Variants in FANCG observed in about 807,000 individuals in gnomAD.
The protein encoded by FANCG is Fanconi anemia group G protein.
In FANCG, 67 loss-of-function variants were observed where a neutral mutation model predicts 73.3. The ratio of observed to expected loss-of-function variants is 0.91; its 90% CI spans 0.75 to 1.12. FANCG has a LOEUF of 1.12. Among genes scored for constraint, FANCG ranks in the 50% most tolerant of loss-of-function variants. The probability of loss-of-function intolerance (pLI) is 0.00; values close to 1 mark genes in which losing one functional copy is unlikely to be tolerated. For missense variants in FANCG, 643 were observed against 735.6 expected, an observed-to-expected ratio of 0.87 and a Z score of 1.46; for synonymous variants, 297 against 311.6, an observed-to-expected ratio of 0.95 and a Z score of 0.49.
At chr9:35,076,289 A>G (rs1829081474) in intron 8 of FANCG, 143 bp downstream of exon 8, 2 of 969,210 alleles carry the variant, frequency 2.1e-6, no homozygotes, top group South Asian at 2.7e-5. Flanking sequence ...GTCTAGAAGC[A>G]AGGTAAGAGG....
chr9:35,076,302 G>A, intron 8 of FANCG, 130 bp downstream of exon 8: 2 of 1,088,170 alleles, frequency 1.8e-6, no homozygotes, highest in South Asian at 2.5e-5. Context: ...GTAAGAGGCT[G>A]AGGAGTGGCG....
rs1829151711 is a variant in FANCG at position 35,079,893 on chromosome 9, C to T, written c.-369G>A. 2.4e-6 allele frequency: 1 copy of T among 408,846 alleles called. No homozygotes were observed. 25.3% of individuals were successfully genotyped at this position (408,846 alleles called of 1,614,324 possible). On this transcript the variant is annotated 5_prime_UTR_variant, in exon 1 of 14. Transcript: ENST00000378643. ...TGTCTGACTGGGGCAGTCGCACGGC[C>T]GGCGGTGCGGCCCGCTCGGCTCTCG... is the stretch of plus-strand genomic sequence containing the variant.
At chr9:35,078,802 C>G in intron 2 of FANCG, 66 bp from the exon 3 acceptor site, 2 of 1,603,270 alleles carry the variant, frequency 1.2e-6, no homozygotes, top group Admixed American at 3.3e-5. Context: ...AAAATCCCAA[C>G]TCAGAGATCA....
intron 5 of FANCG, 26 bp downstream of exon 5, chr9:35,077,238 A>G (rs532480338): frequency 1.2e-6 from 2 of 1,614,228 alleles, no homozygotes; most frequent in African/African-American, 2.7e-5. Context: ...TAAAGGTAGA[A>G]GAGATGAGTC....
In FANCG at chr9:35,076,801, G is replaced by A. The variant is rs976115806; in HGVS notation, c.847C>T (p.Leu283Phe). 1.9e-6 allele frequency: 3 copies of A among 1,614,164 alleles called. No individual in the cohort carries two copies. The highest frequency in any genetic ancestry group is 3.3e-5 in the Admixed American group (2 of 60,028). ...TGATAGAGCCTAGAGGCCTCCAGAA[G>A]TGGAGGACCCCAGGCTGATCCCTCT... ...LKEGSAWGPP[L>F]LEASRLYQQL... The change falls in exon 7 of 14, where the codon CTT becomes TTT. Residue 283 changes from leucine (L) to phenylalanine (F), a missense_variant. Leu to Phe is a conservative substitution (Grantham distance 22). Transcript: ENST00000378643.
intron 8 of FANCG, 179 bp from the exon 9 acceptor site, chr9:35,076,207 G>C: frequency 1.3e-6 from 1 of 799,176 alleles, no homozygotes; most frequent in Middle Eastern, 3.2e-4. Flanking sequence ...GTTACAGAAT[G>C]GACTGGGGAA....
At chr9:35,077,934 G>A (rs147729686) in intron 4 of FANCG, 5 of 606,564 alleles carry the variant, frequency 8.2e-6, no homozygotes, top group African/African-American at 7.3e-5. Flanking sequence ...CACCATGCCT[G>A]TCCAATTTTT....
At chr9:35,074,548 T>C in intron 12 of FANCG, 54 bp from the exon 13 acceptor site, 1 of 1,612,786 alleles carries the variant, frequency 6.2e-7, no homozygotes. Context: ...GTCTTAGGCA[T>C]TGTTTTATAA....
Position 35,075,302 on chromosome 9 carries a change from G to T in FANCG, c.1457C>A (p.Ala486Asp). 1 of 1,614,136 alleles carries T rather than the reference G, an allele frequency of 6.2e-7. No homozygotes were observed. The highest frequency in any genetic ancestry group is 8.5e-7 in the Non-Finnish European group (1 of 1,180,030). The change falls in exon 11 of 14, where the codon GCC becomes GAC. Residue 486 changes from alanine to aspartate, a missense_variant. Ala to Asp is a moderately radical substitution (Grantham distance 126). Transcript: ENST00000378643. ...ACCTTGTTCTTTTTCCTCAGGTGTG[G>T]CCCGGAAGAGCAGCTCGAGGCACCT... Reference protein sequence around the residue: ...FSRCLELLFRATPEEKEQGAA... With the variant: ...FSRCLELLFRDTPEEKEQGAA...
chr9:35,076,689 C>G (rs781363676), intron 7 of FANCG, 35 bp downstream of exon 7: 1 of 1,614,188 alleles, frequency 6.2e-7, no homozygotes, highest in Non-Finnish European at 8.5e-7. Context: ...CCTCAGGAAT[C>G]CTCCACCCCA....
At chr9:35,077,531 T>C (rs1829108678) in intron 4 of FANCG, 132 bp from the exon 5 acceptor site, 3 of 1,085,984 alleles carry the variant, frequency 2.8e-6, no homozygotes, top group South Asian at 2.5e-5. Flanking sequence ...CAGCTACCCT[T>C]ACAAAGCAAG....
chr9:35,078,452 CAAT>C (rs1829126545), intron 3 of FANCG, 109 bp from the exon 4 acceptor site: 7 of 1,516,312 alleles, frequency 4.6e-6, no homozygotes, highest in Middle Eastern at 2.2e-4. Flanking sequence ...CCAAAGGTCA[CAAT>C]AATAATACCT....
Position 35,076,769 on chromosome 9 carries a change from C to G in FANCG, c.879G>C (p.Leu293=), listed in dbSNP as rs1829092637. 1 of 1,614,050 alleles carries G rather than the reference C, an allele frequency of 6.2e-7. No homozygotes were observed. Among genetic ancestry groups the G allele is most frequent in the African/African-American group, 1.3e-5 (1 of 74,912 alleles). ...TCTCCAGCTCTGCTGTTGTGTCCCC[C>G]AGTTGCTGATAGAGCCTAGAGGCCT... ...LLEASRLYQQ[L]GDTTAELESL... is the part of the protein sequence containing the mutation. Residue 293 remains leucine (L), a synonymous_variant, in exon 7 of 14, where the codon CTG becomes CTC. Coordinates refer to ENST00000378643, the MANE Select transcript of FANCG (RefSeq NM_004629.2).
At chr9:35,075,440 A>AC in intron 10 of FANCG, 25 bp downstream of exon 10, 1 of 1,613,024 alleles carries the variant, frequency 6.2e-7, no homozygotes, top group Non-Finnish European at 8.5e-7. Flanking sequence ...ATCCCTCCAC[A>AC]CCCCCTCTAG....
intron 10 of FANCG, 61 bp downstream of exon 10, chr9:35,075,404 C>T (rs1829063585): frequency 6.2e-7 from 1 of 1,613,714 alleles, no homozygotes; most frequent in Non-Finnish European, 8.5e-7. Context: ...ATGGAGCTCA[C>T]CAACTCAGGT....
intron 4 of FANCG, 93 bp from the exon 5 acceptor site, chr9:35,077,492 G>A: frequency 9.9e-6 from 15 of 1,512,198 alleles, no homozygotes; most frequent in Non-Finnish European, 1.4e-5. Context: ...GAGCTCAAGG[G>A]TCCTCTTGAT....
At chr9:35,077,761 ATT>A (rs59086497) in intron 4 of FANCG, among the ~76,000 whole-genome samples, 2 of 145,312 alleles carry the variant, frequency 1.4e-5, no homozygotes, top group African/African-American at 2.5e-5. Flanking sequence ...CCAAAAAAAA[ATT>A]TTTTTTTTTT....
chr9:35,075,803 C>T, intron 9 of FANCG, 49 bp from the exon 10 acceptor site: 4 of 1,562,694 alleles, frequency 2.6e-6, no homozygotes, highest in African/African-American at 1.4e-5. Flanking sequence ...AGCCACCATC[C>T]CCAACCTCTT....
In FANCG at chr9:35,077,031, C is replaced by T. The variant is rs1350532745; in HGVS notation, c.717G>A (p.Leu239=). The T allele has an allele frequency of 6.2e-7, 1 of 1,614,150 alleles. No individual in the cohort carries two copies. Among genetic ancestry groups the T allele is most frequent in the African/African-American group, 1.3e-5 (1 of 74,954 alleles). The change falls in exon 6 of 14, where the codon CTG becomes CTA. Residue 239 remains leucine, a synonymous_variant. Coordinates refer to ENST00000378643, the MANE Select transcript of FANCG (RefSeq NM_004629.2). ...LSSLHEAASG[L]CPRPVLVQVY... ...CCTGGACCAACACAGGCCGTGGACA[C>T]AGGCCTGAGGCCGCTTCATGAAGGC...
Sources: gnomAD v4.1 joint callset for allele counts (sites outside exome capture counted in the v4.1 genomes callset) on GRCh38, gnomAD v4.1.1 for gene constraint, MANE v1.5 for transcripts, NCBI Gene and HGNC (gene_info 2026-07-23, HGNC 2026-07-21) for gene names.